AIM2: variants seen among roughly 807,000 people sequenced by gnomAD.
AIM2 encodes the protein absent in melanoma 2, also known as interferon-inducible protein AIM2.
A neutral mutation model predicts 27.7 loss-of-function variants in AIM2; 30 were observed. The ratio of observed to expected loss-of-function variants is 1.08; its 90% CI spans 0.81 to 1.47. AIM2 has a LOEUF of 1.47. AIM2 is among the 40% of genes most tolerant of loss of function. AIM2 has a pLI of 0.00. For synonymous variants in AIM2, 141 were observed against 145.3 expected (o/e 0.97, Z 0.21); for missense variants, 358 against 411.3 (o/e 0.87, Z 1.12).
downstream of AIM2, among the ~76,000 whole-genome samples, chr1:159,062,004 G>A (rs537502820): frequency 1.6e-4 from 25 of 152,126 alleles, no homozygotes; most frequent in Non-Finnish European, 3.1e-4. Flanking sequence ...TGTATAAAGA[G>A]TGAGGAATGG....
chr1:159,136,847 C>T (rs992661459), intron 1 of AIM2, among the ~76,000 whole-genome samples: 1 of 152,266 alleles, frequency 6.6e-6, no homozygotes, highest in African/African-American at 2.4e-5. Flanking sequence ...TGATCTCGGC[C>T]AGGTAAGCTC....
chr1:159,073,546 T>C (rs200191567), intron 1 of AIM2, 27 bp from the exon 2 acceptor site: 63 of 1,570,886 alleles, frequency 4.0e-5, no homozygotes, highest in Middle Eastern at 3.4e-4. Context: ...ACATGTAAGA[T>C]TACACCACCA....
chr1:159,084,549 A>G (rs943171535), intron 1 of AIM2, among the ~76,000 whole-genome samples: 1 of 152,130 alleles, frequency 6.6e-6, no homozygotes, highest in African/African-American at 2.4e-5. Flanking sequence ...AGGCGGGGGA[A>G]TCGCTTGAAG....
intron 1 of AIM2, among the ~76,000 whole-genome samples, chr1:159,124,909 C>T (rs1279722933): frequency 6.6e-6 from 1 of 152,192 alleles, no homozygotes; most frequent in Non-Finnish European, 1.5e-5. Context: ...GGGATCTTTC[C>T]AAACCACATC....
At chr1:159,118,720 T>C (rs1302286730) in intron 1 of AIM2, among the ~76,000 whole-genome samples, 1 of 152,202 alleles carries the variant, frequency 6.6e-6, no homozygotes. Flanking sequence ...GATATCAAAA[T>C]GGTGACTTCT....
At chr1:159,095,478 C>T (rs1042280960) in intron 1 of AIM2, among the ~76,000 whole-genome samples, 6 of 152,142 alleles carry the variant, frequency 3.9e-5, no homozygotes, top group Non-Finnish European at 7.3e-5. Flanking sequence ...ATCTGCCACC[C>T]GGGCCTACAG....
chr1:159,074,240 CTTAT>C (rs761868640), intron 1 of AIM2, among the ~76,000 whole-genome samples: 17 of 152,096 alleles, frequency 1.1e-4, no homozygotes, highest in African/African-American at 2.2e-4. Context: ...CTTTCAGTGT[CTTAT>C]TTAAGAAATC....
chr1:159,063,007 A>T (rs1655902410), intron 5 of AIM2, among the ~76,000 whole-genome samples: 1 of 152,174 alleles, frequency 6.6e-6, no homozygotes, highest in Non-Finnish European at 1.5e-5. Context: ...CCTGGGGAAG[A>T]GCACCAAGTA....
At chr1:159,061,319 T>C (rs548033483), downstream of AIM2, among the ~76,000 whole-genome samples, 33 of 152,208 alleles carry the variant, frequency 2.2e-4, no homozygotes, top group Non-Finnish European at 3.7e-4. Flanking sequence ...TATCATCTTT[T>C]TGCCCATTTT....
chr1:159,055,086 G>A, the AIM2 span: 4 of 394,904 alleles, frequency 1.0e-5, no homozygotes, highest in South Asian at 1.0e-4. Flanking sequence ...TTAATAAAAT[G>A]GCATATTTTG....
chr1:159,110,208 A>ATGGAATAC (rs1248543077), intron 1 of AIM2, among the ~76,000 whole-genome samples: 1 of 152,252 alleles, frequency 6.6e-6, no homozygotes, highest in Non-Finnish European at 1.5e-5. Context: ...TATATACACA[A>ATGGAATAC]TGGAATACTA....
chr1:159,109,265 G>A (rs1657516924), intron 1 of AIM2, among the ~76,000 whole-genome samples: 1 of 152,024 alleles, frequency 6.6e-6, no homozygotes, highest in African/African-American at 2.4e-5. Context: ...AATACTTACA[G>A]CCAACTGATC....
intron 1 of AIM2, among the ~76,000 whole-genome samples, chr1:159,085,503 G>A (rs1469921168): frequency 2.0e-5 from 3 of 152,144 alleles, no homozygotes; most frequent in East Asian, 3.9e-4. Context: ...TGGGTTTAGC[G>A]GTGGAGGTGT....
chr1:159,146,004 G>A (rs1418638619), intron 1 of AIM2, among the ~76,000 whole-genome samples: 3 of 152,022 alleles, frequency 2.0e-5, no homozygotes, highest in African/African-American at 4.8e-5. Context: ...TACTCGGGAG[G>A]CTGAGGCAGG....
intron 1 of AIM2, among the ~76,000 whole-genome samples, chr1:159,109,458 A>G (rs1313016533): frequency 3.3e-5 from 5 of 152,244 alleles, no homozygotes; most frequent in Admixed American, 6.5e-5. Context: ...TAAAAATTCT[A>G]GAAGATAACA....
intron 1 of AIM2, among the ~76,000 whole-genome samples, chr1:159,120,048 TAG>T (rs1393621567): frequency 4.6e-5 from 7 of 152,190 alleles, no homozygotes; most frequent in Non-Finnish European, 5.9e-5. Flanking sequence ...TTTGATTTTA[TAG>T]AGTTATCTCC....
At chr1:159,144,309 T>C (rs569181723), upstream of AIM2, among the ~76,000 whole-genome samples, 5 of 152,314 alleles carry the variant, frequency 3.3e-5, no homozygotes, top group African/African-American at 7.2e-5. Context: ...CTTATACTTA[T>C]AATGTATATC....
chr1:159,108,962 T>C (rs966155899), intron 1 of AIM2, among the ~76,000 whole-genome samples: 3 of 152,266 alleles, frequency 2.0e-5, no homozygotes, highest in East Asian at 3.9e-4. Context: ...AAAATGACCA[T>C]GCTGCCAAAA....
chr1:159,142,830 C>A (rs1648138627), upstream of AIM2, among the ~76,000 whole-genome samples: 1 of 152,142 alleles, frequency 6.6e-6, no homozygotes, highest in Non-Finnish European at 1.5e-5. Flanking sequence ...AGCTCATTTT[C>A]TCCTATTTGG....
Sources: gnomAD v4.1 joint callset for allele counts (sites outside exome capture counted in the v4.1 genomes callset) on GRCh38, gnomAD v4.1.1 for gene constraint, MANE v1.5 for transcripts, NCBI Gene and HGNC (gene_info 2026-07-23, HGNC 2026-07-21) for gene names.